NDRG3: variants seen among roughly 807,000 people sequenced by gnomAD.
The protein encoded by NDRG3 is NDRG family member 3.
In NDRG3, 23 loss-of-function variants were observed where a neutral mutation model predicts 57.2. That is an observed-to-expected ratio of 0.40 (90% CI 0.29 to 0.57). The LOEUF is 0.57. NDRG3 is among the 20% of genes least tolerant of loss of function. The pLI is 0.42. For synonymous variants in NDRG3, 132 were observed against 162.6 expected, an observed-to-expected ratio of 0.81 and a Z score of 1.43; for missense variants, 384 against 457.3, an observed-to-expected ratio of 0.84 and a Z score of 1.46.
intron 3 of NDRG3, among the ~76,000 whole-genome samples, chr20:36,702,198 G>A (rs1029624596): frequency 6.6e-6 from 1 of 151,882 alleles, no homozygotes; most frequent in Admixed American, 6.6e-5. Context: ...GTGCAGTGGC[G>A]TGATCTTGGT....
chr20:36,656,154 A>G (rs1978644661), intron 15 of NDRG3, among the ~76,000 whole-genome samples: 1 of 150,412 alleles, frequency 6.6e-6, no homozygotes, highest in African/African-American at 2.5e-5. Context: ...AAAAAAAAAA[A>G]GAATATATAT....
At chr20:36,701,881 AG>A (rs1413019980) in intron 3 of NDRG3, among the ~76,000 whole-genome samples, 199 of 151,050 alleles carry the variant, frequency 1.3e-3, no homozygotes, top group African/African-American at 4.6e-3. Flanking sequence ...AAAAAAAAAA[AG>A]CCTTTTAAGA....
At chr20:36,671,020 C>T (rs1329813958) in intron 9 of NDRG3, among the ~76,000 whole-genome samples, 1 of 152,178 alleles carries the variant, frequency 6.6e-6, no homozygotes, top group South Asian at 2.1e-4. Context: ...ATTTCTATTT[C>T]TGTGAAGCCT....
chr20:36,711,127 A>AG (rs1220909820), intron 2 of NDRG3, among the ~76,000 whole-genome samples: 1 of 150,490 alleles, frequency 6.6e-6, no homozygotes, highest in Admixed American at 6.6e-5. Flanking sequence ...AAAAAAAAAA[A>AG]AAAAAATAGC....
intron 7 of NDRG3, 110 bp from the exon 8 acceptor site, chr20:36,681,012 T>G: frequency 1.2e-6 from 1 of 813,830 alleles, no homozygotes; most frequent in Admixed American, 2.4e-5. Flanking sequence ...TGCCTCACAT[T>G]TGAAAGTAAG....
chr20:36,729,348 G>A (rs1319601696), intron 1 of NDRG3, among the ~76,000 whole-genome samples: 1 of 152,102 alleles, frequency 6.6e-6, no homozygotes, highest in Non-Finnish European at 1.5e-5. Context: ...CAGAGGCAAG[G>A]GCTATTTCTT....
At chr20:36,668,066 C>T (rs544389040) in intron 9 of NDRG3, among the ~76,000 whole-genome samples, 8 of 152,110 alleles carry the variant, frequency 5.3e-5, no homozygotes, top group African/African-American at 1.4e-4. Context: ...CATAGTGAGA[C>T]CCCCATCTCT....
chr20:36,695,930 C>G (rs1400046368), intron 3 of NDRG3, among the ~76,000 whole-genome samples: 2 of 152,174 alleles, frequency 1.3e-5, no homozygotes, highest in South Asian at 2.1e-4. Flanking sequence ...CAGGGGGCAT[C>G]ATGGAACCTG....
chr20:36,683,262 A>G lies in NDRG3; in HGVS notation c.384-684T>C, dbSNP rs28394265. Among the ~76,000 whole-genome samples, 930 of 151,790 alleles carry G rather than the reference A, an allele frequency of 6.1e-3. 12 individuals are homozygous for G. Among genetic ancestry groups the G allele is most frequent in the African/African-American group, 0.021 (871 of 41,430 alleles). ...CTGTCTCAAAAAAAACAAAAAACAA[A>G]ACCAAAAAAAACAAGGATCCCACCA... is the stretch of plus-strand genomic sequence containing the variant. On this transcript the variant is annotated intron_variant, in intron 6 of 15. Transcript: ENST00000349004.
At chr20:36,722,940 A>G (rs1419606712) in intron 1 of NDRG3, among the ~76,000 whole-genome samples, 1 of 152,246 alleles carries the variant, frequency 6.6e-6, no homozygotes, top group African/African-American at 2.4e-5. Flanking sequence ...GCTAGCTGCC[A>G]AATCATCAGG....
At chr20:36,723,711 GTTTTTT>G (rs150408734) in intron 1 of NDRG3, among the ~76,000 whole-genome samples, 1 of 127,008 alleles carries the variant, frequency 7.9e-6, no homozygotes, top group Non-Finnish European at 1.7e-5. Flanking sequence ...TGGTGTTTTT[GTTTTTT>G]TTTTTTTGAG....
chr20:36,711,712 C>G (rs1426901504), intron 2 of NDRG3, among the ~76,000 whole-genome samples: 1 of 152,184 alleles, frequency 6.6e-6, no homozygotes, highest in African/African-American at 2.4e-5. Flanking sequence ...GTTCTCAATC[C>G]CATGTTCCTA....
At chr20:36,670,410 C>A (rs1339662712) in intron 9 of NDRG3, among the ~76,000 whole-genome samples, 1 of 152,072 alleles carries the variant, frequency 6.6e-6, no homozygotes, top group Non-Finnish European at 1.5e-5. Context: ...AACTTCTCTA[C>A]TCTAAAATAT....
intron 3 of NDRG3, among the ~76,000 whole-genome samples, chr20:36,703,687 C>A (rs988562041): frequency 6.6e-6 from 1 of 152,070 alleles, no homozygotes; most frequent in Admixed American, 6.6e-5. Flanking sequence ...CCTGGGCTCA[C>A]ACAATTCTCC....
chr20:36,726,228 T>A (rs1295576847), intron 1 of NDRG3, among the ~76,000 whole-genome samples: 2 of 152,100 alleles, frequency 1.3e-5, no homozygotes, highest in Non-Finnish European at 2.9e-5. Context: ...CATCCCTAAG[T>A]ATTTTTTTAA....
intron 2 of NDRG3, among the ~76,000 whole-genome samples, chr20:36,716,354 A>G (rs1984275666): frequency 1.3e-5 from 2 of 151,968 alleles, no homozygotes; most frequent in Non-Finnish European, 2.9e-5. Context: ...CCAACATGGC[A>G]AAACCCCATC....
chr20:36,725,190 A>G (rs897387000), intron 1 of NDRG3, among the ~76,000 whole-genome samples: 13 of 152,044 alleles, frequency 8.6e-5, no homozygotes, highest in African/African-American at 2.4e-4. Flanking sequence ...CCAGCTACTC[A>G]GGAGGCTGAG....
At chr20:36,715,250 G>A (rs1984201698) in intron 2 of NDRG3, among the ~76,000 whole-genome samples, 1 of 151,056 alleles carries the variant, frequency 6.6e-6, no homozygotes, top group East Asian at 2.0e-4. Flanking sequence ...CTAAGATGTG[G>A]ATCTCTTGCC....
At position 36,652,188 on chromosome 20, in the gene NDRG3, G is replaced by A. The variant is rs1978317361; in HGVS notation, c.*1332C>T. The A allele has an allele frequency of 6.6e-6, 1 of 152,222 alleles. No individual in the cohort carries two copies. The highest frequency in any genetic ancestry group is 1.5e-5 in the Non-Finnish European group (1 of 68,062). The allele number at this position is 152,222 out of a possible 1,614,324, so 9.4% of individuals were successfully genotyped here. On this transcript the variant is annotated 3_prime_UTR_variant, in exon 16 of 16. Coordinates refer to ENST00000349004, the MANE Select transcript of NDRG3 (RefSeq NM_032013.4). Reference sequence around the variant, plus strand: ...AGCACTTTGGGAGGCTGAGGCAGGTGGATCACCTGAGGTCAGGAGTTTGAG... The same window carrying A: ...AGCACTTTGGGAGGCTGAGGCAGGTAGATCACCTGAGGTCAGGAGTTTGAG...
Sources: gnomAD v4.1 joint callset for allele counts (sites outside exome capture counted in the v4.1 genomes callset) on GRCh38, gnomAD v4.1.1 for gene constraint, MANE v1.5 for transcripts, NCBI Gene and HGNC (gene_info 2026-07-23, HGNC 2026-07-21) for gene names.